SUSD1: variants seen among roughly 807,000 people sequenced by gnomAD.
SUSD1 encodes the protein sushi domain containing 1.
Under a neutral mutation model 86.9 loss-of-function variants are expected in SUSD1, and 65 were observed. That is an observed-to-expected ratio of 0.75 (90% CI 0.61 to 0.92). SUSD1 has a LOEUF of 0.92. Ranked by LOEUF, SUSD1 falls within the 40% of genes least tolerant of loss-of-function variation. The pLI is 0.00. For synonymous variants in SUSD1, 346 were observed against 350.0 expected, an observed-to-expected ratio of 0.99 and a Z score of 0.13; for missense variants, 850 against 929.7, an observed-to-expected ratio of 0.91 and a Z score of 1.11.
intron 2 of SUSD1, among the ~76,000 whole-genome samples, chr9:112,151,989 G>A (rs1407097305): frequency 9.2e-5 from 14 of 151,398 alleles, no homozygotes; most frequent in African/African-American, 2.2e-4. Context: ...AGCCAAGATC[G>A]CGCCATTGCA....
chr9:112,156,353 T>A (rs1833317053), intron 2 of SUSD1, among the ~76,000 whole-genome samples: 3 of 150,818 alleles, frequency 2.0e-5, no homozygotes, highest in Non-Finnish European at 4.4e-5. Flanking sequence ...TCCCAGCTAC[T>A]CAAGAGGCTG....
intron 10 of SUSD1, among the ~76,000 whole-genome samples, chr9:112,096,453 A>G (rs1830397871): frequency 6.6e-6 from 1 of 152,162 alleles, no homozygotes; most frequent in African/African-American, 2.4e-5. Context: ...TCTGGCCAAG[A>G]CTCAGCAGAA....
chr9:112,172,089 G>A (rs549769895), intron 1 of SUSD1, among the ~76,000 whole-genome samples: 20 of 151,860 alleles, frequency 1.3e-4, no homozygotes, highest in African/African-American at 3.1e-4. Context: ...CCAGCTACTC[G>A]GAAAGCTGAG....
intron 1 of SUSD1, chr9:112,169,476 C>T (rs1195652676): frequency 6.6e-6 from 1 of 152,122 alleles, no homozygotes; most frequent in Non-Finnish European, 1.5e-5. Flanking sequence ...ACGACCCAAT[C>T]CTGTTCACTT....
chr9:112,158,393 A>AT (rs1222619654), intron 1 of SUSD1, among the ~76,000 whole-genome samples: 1 of 150,678 alleles, frequency 6.6e-6, no homozygotes, highest in East Asian at 2.0e-4. Flanking sequence ...CCACTACTCC[A>AT]TTTTTTTCTT....
At chr9:112,155,517 G>T (rs1833259035) in intron 2 of SUSD1, among the ~76,000 whole-genome samples, 1 of 152,112 alleles carries the variant, frequency 6.6e-6, no homozygotes, top group South Asian at 2.1e-4. Context: ...GGCAATGGTG[G>T]GTGACTGTAA....
intron 11 of SUSD1, 71 bp downstream of exon 11, chr9:112,080,003 G>A (rs531736492): frequency 1.9e-6 from 2 of 1,060,680 alleles, no homozygotes; most frequent in East Asian, 4.8e-5. Context: ...TAGATTTTTA[G>A]GTTTGTGGGT....
chr9:112,057,803 C>T (rs1467270072), intron 14 of SUSD1, among the ~76,000 whole-genome samples: 1 of 152,136 alleles, frequency 6.6e-6, no homozygotes, highest in African/African-American at 2.4e-5. Context: ...ATTACTGGCC[C>T]ATATGAATTT....
At chr9:112,140,101 G>C (rs1393588363) in intron 5 of SUSD1, among the ~76,000 whole-genome samples, 1 of 81,990 alleles carries the variant, frequency 1.2e-5, no homozygotes, top group Non-Finnish European at 2.3e-5. Flanking sequence ...GGTGGCTCAC[G>C]CCTGTAATCC....
At chr9:112,133,107 G>A (rs1832100489) in intron 5 of SUSD1, among the ~76,000 whole-genome samples, 1 of 152,116 alleles carries the variant, frequency 6.6e-6, no homozygotes, top group Non-Finnish European at 1.5e-5. Context: ...TTAAGACACT[G>A]TTTCTACAAA....
intron 9 of SUSD1, among the ~76,000 whole-genome samples, chr9:112,099,652 T>C (rs992027251): frequency 6.6e-6 from 1 of 152,188 alleles, no homozygotes; most frequent in African/African-American, 2.4e-5. Context: ...GTCCTATAAG[T>C]AATATGATCA....
chr9:112,165,001 G>A (rs576226059), intron 1 of SUSD1, among the ~76,000 whole-genome samples: 9 of 152,312 alleles, frequency 5.9e-5, no homozygotes, highest in African/African-American at 2.2e-4. Flanking sequence ...CTTAACCTTT[G>A]TTAAACTGCA....
At chr9:112,168,094 T>C (rs1476501788) in intron 1 of SUSD1, among the ~76,000 whole-genome samples, 1 of 152,166 alleles carries the variant, frequency 6.6e-6, no homozygotes, top group African/African-American at 2.4e-5. Flanking sequence ...GAGATTTGGG[T>C]AGGGACACAG....
chr9:112,152,261 CT>C (rs1170892498), intron 2 of SUSD1, among the ~76,000 whole-genome samples: 1 of 151,124 alleles, frequency 6.6e-6, no homozygotes, highest in Non-Finnish European at 1.5e-5. Flanking sequence ...CTTACTGTAG[CT>C]TTTTTACTTA....
intron 5 of SUSD1, among the ~76,000 whole-genome samples, chr9:112,139,449 T>G (rs535086579): frequency 1.2e-3 from 185 of 152,332 alleles, no homozygotes; most frequent in Admixed American, 3.1e-3. Flanking sequence ...ATTATTATTA[T>G]TATTTTTTCT....
intron 11 of SUSD1, 150 bp from the exon 12 acceptor site, chr9:112,078,874 C>T (rs35686899): frequency 0.089 from 55,400 of 619,094 alleles, 3,645 homozygotes; most frequent in African/African-American, 0.22. Context: ...AGTGCAGTGG[C>T]ATGACCTCGG....
At chr9:112,069,193 G>A (rs528436128) in intron 12 of SUSD1, among the ~76,000 whole-genome samples, 9 of 152,214 alleles carry the variant, frequency 5.9e-5, no homozygotes, top group African/African-American at 2.2e-4. Context: ...AGGTGGAAGA[G>A]TAAGAGAACT....
chr9:112,132,156 T>A lies in SUSD1; in HGVS notation c.707-7720A>T, dbSNP rs937211327. Among the ~76,000 whole-genome samples, 6 of 152,294 alleles carry A rather than the reference T, an allele frequency of 3.9e-5. No homozygotes were observed. The East Asian group carries it at 1.2e-3, about 29-fold the overall frequency. On this transcript the variant is annotated intron_variant, in intron 5 of 16. Coordinates refer to ENST00000374270, the MANE Select transcript of SUSD1 (RefSeq NM_022486.5). ...TGTCACCCATATTGGCTGCTGTTTA[T>A]TATACGCATCAGCACAATAACATAG...
chr9:112,153,173 G>A (rs1416767727), intron 2 of SUSD1, among the ~76,000 whole-genome samples: 1 of 151,460 alleles, frequency 6.6e-6, no homozygotes, highest in African/African-American at 2.4e-5. Context: ...AGGCCGAGGT[G>A]GAAGGATCAC....
Sources: allele counts gnomAD v4.1 joint callset (sites outside exome capture counted in the v4.1 genomes callset), GRCh38; gene constraint gnomAD v4.1.1; transcripts MANE v1.5; gene names NCBI Gene and HGNC (gene_info 2026-07-23, HGNC 2026-07-21).